SRRD: variants seen among roughly 807,000 people sequenced by gnomAD.
SRRD encodes the protein SRR1 domain containing, also known as SRR1-like protein.
In SRRD, 28 loss-of-function variants were observed where a neutral mutation model predicts 30.7. The observed-to-expected ratio is 0.91, with a 90% CI of 0.68 to 1.25. The LOEUF is 1.25. Among genes scored for constraint, SRRD ranks in the 50% most tolerant of loss-of-function variants. The pLI is 0.00. For synonymous variants in SRRD, 161 were observed against 159.6 expected, an observed-to-expected ratio of 1.01 and a Z score of -0.07; for missense variants, 415 against 417.3, an observed-to-expected ratio of 0.99 and a Z score of 0.05.
At chr22:26,487,035 C>T (rs1468326835) in intron 2 of SRRD, among the ~76,000 whole-genome samples, 1 of 151,918 alleles carries the variant, frequency 6.6e-6, no homozygotes, top group East Asian at 1.9e-4. Context: ...AATCCTCCTG[C>T]CTCAGTCTCC....
chr22:26,494,339 G>A lies in SRRD; in HGVS notation c.*2667G>A, dbSNP rs750551577. ...AGAAAAATTACTTGCATCCATCGTG[G>A]CAACAAATGAAGGCAAGATTTCTGA... On this transcript the variant is annotated 3_prime_UTR_variant, in exon 7 of 7. Coordinates refer to ENST00000215917, the MANE Select transcript of SRRD (RefSeq NM_001013694.3). 18 of 1,613,770 alleles carry A rather than the reference G, an allele frequency of 1.1e-5. No homozygotes were observed. Among genetic ancestry groups the A allele is most frequent in the Non-Finnish European group, 1.5e-5 (18 of 1,179,866 alleles).
Position 26,491,025 on chromosome 22 carries a change from G to A in SRRD, c.765G>A (p.Arg255=). The A allele has an allele frequency of 6.2e-7, 1 of 1,609,126 alleles. No homozygotes were observed. The part of the protein sequence containing the change: ...IGNSFKGLEE[R]LLARILQKNY... The stretch of plus-strand genomic sequence containing the variant: ...TTTTTTGGTTTTTTTTAATTTCTAG[G>A]TTGTTGGCAAGGATTCTGCAGAAAA... Residue 255 remains arginine (R), a splice_region_variant and synonymous_variant, in exon 6 of 7, where the codon AGG becomes AGA. Coordinates refer to ENST00000215917, the MANE Select transcript of SRRD (RefSeq NM_001013694.3).
chr22:26,490,244 C>G (rs747692089), intron 5 of SRRD, 46 bp downstream of exon 5: 1 of 1,604,188 alleles, frequency 6.2e-7, no homozygotes, highest in African/African-American at 1.3e-5. Context: ...GAGGTGAAGC[C>G]CATACCTCAG....
intron 1 of SRRD, 135 bp from the exon 2 acceptor site, chr22:26,485,888 T>C (rs2091705176): frequency 3.1e-6 from 3 of 955,478 alleles, no homozygotes; most frequent in Non-Finnish European, 4.9e-6. Flanking sequence ...ATCCCCCTCC[T>C]ATCACTTGGT....
chr22:26,494,369 G>T lies in SRRD; in HGVS notation c.*2697G>T. 1 of 1,595,842 alleles carries T rather than the reference G, an allele frequency of 6.3e-7. No individual in the cohort carries two copies. Among genetic ancestry groups the T allele is most frequent in the Non-Finnish European group, 8.6e-7 (1 of 1,164,414 alleles). The stretch of plus-strand genomic sequence containing the variant: ...AAATGAAGGCAAGATTTCTGAAGTG[G>T]CCATTTGTTTTGTTTTGATCCTGGT... On this transcript the variant is annotated 3_prime_UTR_variant, in exon 7 of 7. Coordinates refer to ENST00000215917, the MANE Select transcript of SRRD (RefSeq NM_001013694.3).
At position 26,491,028 on chromosome 22, in the gene SRRD, G is replaced by T. The variant is rs201369313; in HGVS notation, c.768G>T (p.Leu256Phe). 2.3e-4 allele frequency: 362 copies of T among 1,607,110 alleles called. 4 individuals carry two copies. Among genetic ancestry groups the T allele is most frequent in the Middle Eastern group, 1.6e-4 (1 of 6,064 alleles). The change falls in exon 6 of 7, where the codon TTG (leucine) becomes TTT (phenylalanine). Residue 256 changes from leucine to phenylalanine, a missense_variant. Coordinates refer to ENST00000215917, the MANE Select transcript of SRRD (RefSeq NM_001013694.3). ...GNSFKGLEER[L>F]LARILQKNYP... ...TTTGGTTTTTTTTAATTTCTAGGTT[G>T]TTGGCAAGGATTCTGCAGAAAAATT...
intron 2 of SRRD, among the ~76,000 whole-genome samples, chr22:26,486,680 TTTAAG>T (rs1234738315): frequency 2.0e-5 from 3 of 152,230 alleles, no homozygotes; most frequent in Non-Finnish European, 4.4e-5. Context: ...AACCAGCCTT[TTTAAG>T]TTATTATACA....
intron 5 of SRRD, 196 bp from the exon 6 acceptor site, chr22:26,490,829 G>C: frequency 1.8e-6 from 1 of 560,870 alleles, no homozygotes; most frequent in Non-Finnish European, 3.1e-6. Flanking sequence ...CTCCTGAAGT[G>C]CTGGGATTAC....
chr22:26,487,236 A>T, intron 2 of SRRD, among the ~76,000 whole-genome samples: 1 of 152,114 alleles, frequency 6.6e-6, no homozygotes, highest in East Asian at 1.9e-4. Flanking sequence ...CTGGTATCTT[A>T]AGTGAAAAGT....
chr22:26,485,288 C>T (rs2147102613), intron 1 of SRRD, among the ~76,000 whole-genome samples: 2 of 152,264 alleles, frequency 1.3e-5, no homozygotes, highest in Middle Eastern at 6.8e-3. Flanking sequence ...ACGCATTTAC[C>T]AGTTCATAAA....
chr22:26,490,686 A>G (rs1172418765), intron 5 of SRRD: 1 of 250,150 alleles, frequency 4.0e-6, no homozygotes. Flanking sequence ...ACCTCAGCCT[A>G]ATGAGTAGCT....
intron 4 of SRRD, among the ~76,000 whole-genome samples, 197 bp from the exon 5 acceptor site, chr22:26,489,847 G>A (rs1049156257): frequency 5.3e-5 from 8 of 152,012 alleles, no homozygotes; most frequent in African/African-American, 1.7e-4. Flanking sequence ...GAGTTCTTTC[G>A]GGACATCATG....
intron 1 of SRRD, 141 bp from the exon 2 acceptor site, chr22:26,485,882 C>T (rs561840021): frequency 1.4e-5 from 13 of 897,626 alleles, no homozygotes; most frequent in Middle Eastern, 4.7e-4. Flanking sequence ...ACATATATCC[C>T]CCTCCTATCA....
In SRRD at chr22:26,493,587, G is replaced by C. The variant is rs1444486808; in HGVS notation, c.*1915G>C. On this transcript the variant is annotated 3_prime_UTR_variant, in exon 7 of 7. Coordinates refer to ENST00000215917, the MANE Select transcript of SRRD (RefSeq NM_001013694.3). ...TGATCTAGGCAGAATGACTTACCTA[G>C]AACTTGGGAACAGATATAGTACACG... 1 of 154,238 alleles carries C rather than the reference G, an allele frequency of 6.5e-6. No individual in the cohort carries two copies. The highest frequency in any genetic ancestry group is 1.4e-5 in the Non-Finnish European group (1 of 69,482). 9.6% of individuals were successfully genotyped at this position (154,238 alleles called of 1,614,324 possible).
At position 26,492,014 on chromosome 22, in the gene SRRD, C is replaced by T. The variant is rs1921254150; in HGVS notation, c.*342C>T. On this transcript the variant is annotated 3_prime_UTR_variant, in exon 7 of 7. Transcript: ENST00000215917. ...GACTGGTTCTGGACCTGCCACAGTT[C>T]ACTTGGCCATGTCGATCAGGCTCTG... is the stretch of plus-strand genomic sequence containing the variant. 6.9e-6 allele frequency: 11 copies of T among 1,590,078 alleles called. No individual in the cohort carries two copies. In the East Asian group the frequency reaches 2.3e-4, roughly 33 times the overall value.
intron 6 of SRRD, 123 bp downstream of exon 6, chr22:26,491,193 C>T (rs1921128991): frequency 2.0e-6 from 2 of 984,040 alleles, no homozygotes; most frequent in South Asian, 1.5e-5. Context: ...TGTCAGCTCT[C>T]TCCATGGGTC....
intron 2 of SRRD, among the ~76,000 whole-genome samples, chr22:26,487,648 C>T (rs2091718101): frequency 6.6e-6 from 1 of 152,112 alleles, no homozygotes; most frequent in South Asian, 2.1e-4. Flanking sequence ...GGCGTGAGCA[C>T]CTGGTTTGTT....
At chr22:26,486,755 T>TAA (rs955752858) in intron 2 of SRRD, among the ~76,000 whole-genome samples, 5 of 152,196 alleles carry the variant, frequency 3.3e-5, no homozygotes, top group African/African-American at 1.2e-4. Context: ...ATGATCTTCT[T>TAA]AGGATATATT....
rs1921563412 is a variant in SRRD at position 26,493,862 on chromosome 22, A to C, written c.*2190A>C. 7.2e-6 allele frequency: 3 copies of C among 415,632 alleles called. No homozygotes were observed. Among genetic ancestry groups the C allele is most frequent in the Non-Finnish European group, 1.3e-5 (3 of 223,166 alleles). 25.7% of individuals were successfully genotyped at this position (415,632 alleles called of 1,614,324 possible). ...AAGGCCACACAGCACAGTGGTTAAG[A>C]GGGCGGGGCCTGGGGTTAGACTGAC... On this transcript the variant is annotated 3_prime_UTR_variant, in exon 7 of 7. Coordinates refer to ENST00000215917, the MANE Select transcript of SRRD (RefSeq NM_001013694.3).
Sources: gnomAD v4.1 joint callset for allele counts (sites outside exome capture counted in the v4.1 genomes callset) on GRCh38, gnomAD v4.1.1 for gene constraint, MANE v1.5 for transcripts, NCBI Gene and HGNC (gene_info 2026-07-23, HGNC 2026-07-21) for gene names.